AGRN: variants seen among roughly 807,000 people sequenced by gnomAD.
AGRN encodes agrin.
Under a neutral mutation model 211.0 loss-of-function variants are expected in AGRN, and 106 were observed. The ratio of observed to expected loss-of-function variants is 0.50; its 90% confidence interval spans 0.43 to 0.59. The LOEUF is 0.59. AGRN is among the 20% of genes least tolerant of loss of function. AGRN has a pLI of 0.00. For synonymous variants in AGRN, 1,525 were observed against 1,332.5 expected (o/e 1.14, Z -3.15); for missense variants, 3,040 against 2,982.6 (o/e 1.02, Z -0.45).
In AGRN at chr1:1,048,661, T is replaced by C; in HGVS notation, c.4106-206T>C. On this transcript the variant is annotated intron_variant, in intron 23 of 35. Transcript: ENST00000379370. The surrounding 1 kb of genome is among the most constrained non-coding windows in gnomAD (Gnocchi z 5.9). Reference sequence around the variant, plus strand: ...GGTGGGCGCCTGTAATCCCACCTCGTGAGGCTGAGGCAGGAGAATCGCTTG... The same window carrying C: ...GGTGGGCGCCTGTAATCCCACCTCGCGAGGCTGAGGCAGGAGAATCGCTTG... The C allele has an allele frequency of 1.5e-6, 1 of 647,172 alleles. No individual in the cohort carries two copies. The highest frequency in any genetic ancestry group is 2.5e-6 in the Non-Finnish European group (1 of 392,506). The allele number at this position is 647,172 out of a possible 1,614,324, so 40.1% of individuals were successfully genotyped here. A position where few individuals can be genotyped will look rare whatever the true frequency, so the allele number is the denominator to read the frequency against.
chr1:1,040,679 C>T lies in AGRN; in HGVS notation c.526C>T (p.Leu176=), dbSNP rs544749044. 118 of 1,547,692 alleles carry T rather than the reference C, an allele frequency of 7.6e-5. 1 individual carries two copies. The East Asian group carries it at 1.5e-3, about 20-fold the overall frequency. The change falls in exon 4 of 36, where the codon CTG becomes TTG. Residue 176 remains leucine, a synonymous_variant. Coordinates refer to ENST00000379370, the MANE Select transcript of AGRN (RefSeq NM_198576.4). ...ACCCGCCCCAGCGTGCCGGGGAATG[C>T]TGTGCGGCTTCGGCGCCGTGTGCGA... ...PTPPDACRGM[L]CGFGAVCEPN...
intron 2 of AGRN, among the ~76,000 whole-genome samples, chr1:1,033,802 C>A (rs1228079498): frequency 6.9e-6 from 1 of 145,742 alleles, no homozygotes; most frequent in Non-Finnish European, 1.5e-5. Flanking sequence ...GCGCTCCCGG[C>A]CCCGGGCCCA....
At chr1:1,037,349 A>G (rs1570178626) in intron 3 of AGRN, among the ~76,000 whole-genome samples, 1 of 152,176 alleles carries the variant, frequency 6.6e-6, no homozygotes, top group African/African-American at 2.4e-5. Context: ...ACCTGGCCAC[A>G]GCCCACCCTG....
intron 2 of AGRN, among the ~76,000 whole-genome samples, chr1:1,022,982 GGAGTGGCC>G (rs1357678761): frequency 3.3e-5 from 5 of 152,238 alleles, no homozygotes; most frequent in African/African-American, 1.2e-4. Flanking sequence ...GAAGGGCCGA[GGAGTGGCC>G]CTCCCTGACC....
chr1:1,037,091 C>T (rs1570177860), intron 3 of AGRN, among the ~76,000 whole-genome samples: 1 of 152,118 alleles, frequency 6.6e-6, no homozygotes, highest in South Asian at 2.1e-4. Context: ...CAGGAAGGGG[C>T]CTGAACCCTC....
At chr1:1,049,828 AC>A (rs903650954) in intron 26 of AGRN, 33 bp downstream of exon 26, 15 of 1,607,094 alleles carry the variant, frequency 9.3e-6, no homozygotes, top group Non-Finnish European at 1.3e-5. Flanking sequence ...TGGGAGTGGG[AC>A]CCCGGGGCCT....
intron 2 of AGRN, among the ~76,000 whole-genome samples, chr1:1,026,658 C>T (rs1236947948): frequency 6.6e-6 from 1 of 152,126 alleles, no homozygotes; most frequent in East Asian, 1.9e-4. Flanking sequence ...GTTCTGGCAC[C>T]CCCTCCCCAC....
In AGRN at chr1:1,046,889, A is replaced by C; in HGVS notation, c.3320A>C (p.Asn1107Thr). The C allele has an allele frequency of 6.3e-7, 1 of 1,585,416 alleles. No individual in the cohort carries two copies. Among genetic ancestry groups the C allele is most frequent in the East Asian group, 2.3e-5 (1 of 43,876 alleles). ...GPPVERASCY[N>T]SALGCCSDGK... ...CCTGTCGAGAGGGCTTCCTGCTACA[A>C]CTCCGCGTTGGGCTGCTGCTCTGAT... The change falls in exon 19 of 36, where the codon AAC becomes ACC. Residue 1107 changes from asparagine to threonine, a missense_variant. Physicochemically the swap from Asn to Thr is moderately conservative, Grantham distance 65 (BLOSUM62 0). Around this residue, in one of 3 missense-constraint regions of AGRN, gnomAD observed 1,537 missense variants for 1,505.0 expected, o/e 1.02. Coordinates refer to ENST00000379370, the MANE Select transcript of AGRN (RefSeq NM_198576.4).
At chr1:1,047,550 T>A (rs1169142138) in intron 20 of AGRN, 23 bp from the exon 21 acceptor site, 11 of 1,612,434 alleles carry the variant, frequency 6.8e-6, no homozygotes, top group Non-Finnish European at 9.3e-6. Flanking sequence ...GCCCCCCAAG[T>A]CCTTGCCTAC....
chr1:1,029,365 A>ATCTATGCAGGCAGGTGCGGGGATCAGTG (rs1644595310), intron 2 of AGRN, among the ~76,000 whole-genome samples: 1 of 57,812 alleles, frequency 1.7e-5, no homozygotes, highest in Admixed American at 2.3e-4. Flanking sequence ...GATGCCCAAT[A>ATCTATGCAGGCAGGTGCGGGGATCAGTG]TCTATGCAGG....
Position 1,022,481 on chromosome 1 carries a change from GTGTGGGGGC to G in AGRN, c.463+20_463+28del, listed in dbSNP as rs1644428243. On this transcript the variant is annotated intron_variant, in intron 2 of 35. Transcript: ENST00000379370. ...GTGGAAGGTGCGTGGTGGGGGGCTC[GTGTGGGGGC>G]CTGTGGGGGTCAGGGCAGTGGCCAA... The G allele has an allele frequency of 6.3e-7, 1 of 1,596,858 alleles. No homozygotes were observed. The highest frequency in any genetic ancestry group is 8.5e-7 in the Non-Finnish European group (1 of 1,169,784).
At position 1,041,678 on chromosome 1, in the gene AGRN, C is replaced by G; in HGVS notation, c.1153C>G (p.Arg385Gly). The change falls in exon 6 of 36, where the codon CGC becomes GGC. Residue 385 changes from arginine (R) to glycine (G), a missense_variant. Transcript: ENST00000379370. ...CCGGGGTCTCCTCCTGCAGAAAGTG[C>G]GCTCCGGCCAGTGCCAGGGTCGAGG... is the stretch of plus-strand genomic sequence containing the variant. ...AARGLLLQKV[R>G]SGQCQGRDQC... The G allele has an allele frequency of 6.2e-7, 1 of 1,610,200 alleles. No homozygotes were observed.
intron 1 of AGRN, among the ~76,000 whole-genome samples, chr1:1,021,629 C>T (rs1396405031): frequency 6.6e-6 from 1 of 152,270 alleles, no homozygotes; most frequent in Non-Finnish European, 1.5e-5. Context: ...GTCAGAGCAG[C>T]TGCCCTCAGG....
rs1644691442 is a variant in AGRN, at chr1:1,032,300, T to C, written c.464-2977T>C. Among the ~76,000 whole-genome samples, 1 of 152,240 alleles carries C rather than the reference T, an allele frequency of 6.6e-6. No homozygotes were observed. The highest frequency in any genetic ancestry group is 1.9e-4 in the East Asian group (1 of 5,182). Reference sequence around the variant, plus strand: ...GGCCTCCTGTCTGGGTGATGGGGCATGGTGCTGGTCCCTGGCTGTGGGGTG... The same window carrying C: ...GGCCTCCTGTCTGGGTGATGGGGCACGGTGCTGGTCCCTGGCTGTGGGGTG... On this transcript the variant is annotated intron_variant, in intron 2 of 35. Coordinates refer to ENST00000379370, the MANE Select transcript of AGRN (RefSeq NM_198576.4). This position sits in a 1 kb window ranked among gnomAD's most constrained non-coding sequence, Gnocchi z 4.7.
At position 1,044,176 on chromosome 1, in the gene AGRN, G is replaced by T; in HGVS notation, c.2067G>T (p.Gln689His). 1 of 1,613,266 alleles carries T rather than the reference G, an allele frequency of 6.2e-7. No individual in the cohort carries two copies. The highest frequency in any genetic ancestry group is 8.5e-7 in the Non-Finnish European group (1 of 1,179,926). The change falls in exon 11 of 36, where the codon CAG (glutamine) becomes CAT (histidine). Residue 689 changes from glutamine to histidine, a missense_variant. By Grantham distance (24) the Gln-to-His change is conservative. Around this residue, in one of 3 missense-constraint regions of AGRN, gnomAD observed 1,498 missense variants for 1,457.8 expected, o/e 1.03. Coordinates refer to ENST00000379370, the MANE Select transcript of AGRN (RefSeq NM_198576.4). ...ACTGTGAGCAGGAGCTGTGCCGGCA[G>T]CGCGGTGGCATCTGGGACGAGGACT... Reference protein sequence around the residue: ...DGDCEQELCRQRGGIWDEDSE... With the variant: ...DGDCEQELCRHRGGIWDEDSE...
chr1:1,045,150 C>T lies in AGRN; in HGVS notation c.2255-11C>T, dbSNP rs1448657465. 6.2e-7 allele frequency: 1 copy of T among 1,611,416 alleles called. No individual in the cohort carries two copies. Among genetic ancestry groups the T allele is most frequent in the Non-Finnish European group, 8.5e-7 (1 of 1,179,560 alleles). ...CTGCATGAAATCTGAGTCCCGTACC[C>T]TTTCCTGCAGGCCCCACCTTCGCCC... On this transcript the variant is annotated splice_polypyrimidine_tract_variant and intron_variant, in intron 12 of 35. Transcript: ENST00000379370.
rs1644665450 is a variant in AGRN at position 1,031,123 on chromosome 1, A to G, written c.464-4154A>G. Among the ~76,000 whole-genome samples, 1 of 81,118 alleles carries G rather than the reference A, an allele frequency of 1.2e-5. No homozygotes were observed. Among genetic ancestry groups the G allele is most frequent in the Admixed American group, 1.5e-4 (1 of 6,750 alleles). 53.2% of individuals were successfully genotyped at this position (81,118 alleles called of 152,430 possible). Reference sequence around the variant, plus strand: ...TGTGTGCGGTGCATGGTGCTGTGTGAGATGTGTGTGTGTGCAGTGCATGGT... The same window carrying G: ...TGTGTGCGGTGCATGGTGCTGTGTGGGATGTGTGTGTGTGCAGTGCATGGT... On this transcript the variant is annotated intron_variant, in intron 2 of 35. Coordinates refer to ENST00000379370, the MANE Select transcript of AGRN (RefSeq NM_198576.4). The surrounding 1 kb of genome is among the most constrained non-coding windows in gnomAD (Gnocchi z 4.8).
In AGRN at chr1:1,049,563, C is replaced by A; in HGVS notation, c.4515-3C>A. On this transcript the variant is annotated splice_region_variant and splice_polypyrimidine_tract_variant and intron_variant, in intron 25 of 35. Coordinates refer to ENST00000379370, the MANE Select transcript of AGRN (RefSeq NM_198576.4). ...CCTGACCCGGTGTCCCTCCTGGTGG[C>A]AGGGCGCTGGAGCGGACCTTCGTGG... 6.3e-7 allele frequency: 1 copy of A among 1,590,278 alleles called. No homozygotes were observed. The highest frequency in any genetic ancestry group is 2.3e-5 in the East Asian group (1 of 43,844).
In AGRN at chr1:1,043,318, T is replaced by G; in HGVS notation, c.1464T>G (p.Cys488Trp). ...TCAVKNGQAACECLQACSSLY... is the reference protein window; with the variant it reads ...TCAVKNGQAAWECLQACSSLY... Reference sequence around the variant, plus strand: ...CTGTGAAGAACGGGCAGGCAGCGTGTGAATGCCTGCAGGCGTGCTCGAGCC... The same window carrying G: ...CTGTGAAGAACGGGCAGGCAGCGTGGGAATGCCTGCAGGCGTGCTCGAGCC... Residue 488 changes from cysteine to tryptophan, a missense_variant, in exon 8 of 36, where the codon TGT becomes TGG. Physicochemically the swap from Cys to Trp is radical, Grantham distance 215. Transcript: ENST00000379370. The G allele has an allele frequency of 1.2e-6, 2 of 1,610,790 alleles. No individual in the cohort carries two copies. Among genetic ancestry groups the G allele is most frequent in the Non-Finnish European group, 1.7e-6 (2 of 1,179,348 alleles).
Sources: allele counts gnomAD v4.1 joint callset (sites outside exome capture counted in the v4.1 genomes callset), GRCh38; gene constraint gnomAD v4.1.1; regional missense constraint gnomAD v4.1.1; non-coding constraint Gnocchi (gnomAD v3.1); transcripts MANE v1.5; gene names NCBI Gene and HGNC (gene_info 2026-07-23, HGNC 2026-07-21).